PPP3CC: variants seen among roughly 807,000 people sequenced by gnomAD.
PPP3CC encodes protein phosphatase 3 catalytic subunit gamma, also known as serine/threonine-protein phosphatase 2B catalytic subunit gamma isoform.
A neutral mutation model predicts 60.3 loss-of-function variants in PPP3CC; 35 were observed. That is an observed-to-expected ratio of 0.58 (90% CI 0.44 to 0.77). The LOEUF is 0.77. PPP3CC is among the 30% of genes least tolerant of loss of function. PPP3CC has a pLI of 0.00. For synonymous variants in PPP3CC, 206 were observed against 224.3 expected (o/e 0.92, Z 0.73); for missense variants, 570 against 628.9 (o/e 0.91, Z 1.00).
At chr8:22,503,721 T>A (rs1416660003) in intron 4 of PPP3CC, among the ~76,000 whole-genome samples, 1 of 152,168 alleles carries the variant, frequency 6.6e-6, no homozygotes, top group Non-Finnish European at 1.5e-5. Flanking sequence ...TTACCTTAGG[T>A]TTTTATTTGC....
chr8:22,441,772 G>A (rs901331682), intron 1 of PPP3CC, among the ~76,000 whole-genome samples: 1 of 152,208 alleles, frequency 6.6e-6, no homozygotes, highest in Non-Finnish European at 1.5e-5. Flanking sequence ...AACGACTCGG[G>A]GGAAGCCATC....
chr8:22,503,196 C>T (rs964684463), intron 4 of PPP3CC, among the ~76,000 whole-genome samples: 5 of 152,254 alleles, frequency 3.3e-5, no homozygotes, highest in East Asian at 1.9e-4. Context: ...TTAAGAACGA[C>T]GGCTCTGGAG....
In PPP3CC at chr8:22,475,084, A is replaced by G; in HGVS notation, c.180A>G (p.Ile60Met). The G allele has an allele frequency of 6.2e-7, 1 of 1,613,864 alleles. No homozygotes were observed. The highest frequency in any genetic ancestry group is 8.5e-7 in the Non-Finnish European group (1 of 1,179,828). ...GRLEEEVALK[I>M]INDGAAILRQ... ...TGGAAGAGGAAGTAGCCTTAAAGAT[A>G]ATCAATGATGGGGCTGCCATCCTGA... The change falls in exon 2 of 14, where the codon ATA (isoleucine) becomes ATG (methionine). Residue 60 changes from isoleucine to methionine, a missense_variant. Physicochemically the swap from Ile to Met is conservative, Grantham distance 10. Transcript: ENST00000240139.
At chr8:22,530,829 C>CAAAAA (rs58626647) in intron 10 of PPP3CC, among the ~76,000 whole-genome samples, 2 of 58,036 alleles carry the variant, frequency 3.4e-5, no homozygotes, top group Non-Finnish European at 6.8e-5. Flanking sequence ...AGACTCATCT[C>CAAAAA]AAAAAAAAAA....
intron 1 of PPP3CC, among the ~76,000 whole-genome samples, chr8:22,446,805 CAAAAAAAA>C (rs34407184): frequency 4.6e-5 from 1 of 21,958 alleles, no homozygotes; most frequent in Non-Finnish European, 1.3e-4. Context: ...GACTCTGTCT[CAAAAAAAA>C]AAAAAAAAAA....
At chr8:22,451,537 C>T (rs1470314879) in intron 1 of PPP3CC, among the ~76,000 whole-genome samples, 1 of 152,186 alleles carries the variant, frequency 6.6e-6, no homozygotes, top group Non-Finnish European at 1.5e-5. Context: ...CACAAGTGGA[C>T]ACTTTCTTTC....
At position 22,475,487 on chromosome 8, in the gene PPP3CC, CT is replaced by C. The variant is rs748366544; in HGVS notation, c.248-6del. The C allele has an allele frequency of 1.2e-5, 19 of 1,603,080 alleles. No individual in the cohort carries two copies. Among genetic ancestry groups the C allele is most frequent in the Non-Finnish European group, 1.4e-5 (17 of 1,174,582 alleles). ...GTATAATTTCTCACATCACTTTATG[CT>C]TTTTTTCCTAGTATGTGGTGATATT... On this transcript the variant is annotated splice_polypyrimidine_tract_variant and intron_variant, in intron 2 of 13. Transcript: ENST00000240139.
At chr8:22,509,392 C>G (rs1472199849) in intron 4 of PPP3CC, among the ~76,000 whole-genome samples, 1 of 152,206 alleles carries the variant, frequency 6.6e-6, no homozygotes, top group Non-Finnish European at 1.5e-5. Flanking sequence ...TGTAGGCCAC[C>G]TCATCTTCCC....
chr8:22,519,461 TTTTTA>T (rs1198349507), intron 6 of PPP3CC, among the ~76,000 whole-genome samples: 3 of 152,188 alleles, frequency 2.0e-5, no homozygotes, highest in African/African-American at 7.2e-5. Flanking sequence ...TGTGATTTGA[TTTTTA>T]TTTTTGTAGT....
intron 1 of PPP3CC, among the ~76,000 whole-genome samples, chr8:22,465,347 T>A (rs561749178): frequency 7.2e-5 from 11 of 152,100 alleles, no homozygotes; most frequent in Non-Finnish European, 1.3e-4. Flanking sequence ...GCTGCCTGGG[T>A]GATGGGTATA....
At chr8:22,480,558 A>C (rs56864195) in intron 3 of PPP3CC, among the ~76,000 whole-genome samples, 61,769 of 152,102 alleles carry the variant, frequency 0.41, 13,378 homozygotes, top group East Asian at 0.61. Context: ...AGCTCACTGC[A>C]TCCTCCGCCT....
chr8:22,527,561 G>A (rs778303100), intron 9 of PPP3CC, 44 bp downstream of exon 9: 7 of 1,595,134 alleles, frequency 4.4e-6, no homozygotes, highest in South Asian at 3.3e-5. Flanking sequence ...TTTGGTGACT[G>A]AGCATACCTT....
chr8:22,457,104 C>CCT (rs1837226042), intron 1 of PPP3CC, among the ~76,000 whole-genome samples: 2 of 143,546 alleles, frequency 1.4e-5, no homozygotes, highest in South Asian at 4.8e-4. Flanking sequence ...CCTCCTTCCC[C>CCT]CTCCATCCCT....
chr8:22,482,982 AT>A (rs1360887587), intron 3 of PPP3CC, among the ~76,000 whole-genome samples: 6 of 152,212 alleles, frequency 3.9e-5, no homozygotes, highest in African/African-American at 1.4e-4. Flanking sequence ...AAGCAAAAAG[AT>A]ACGCTTTTTC....
intron 3 of PPP3CC, among the ~76,000 whole-genome samples, chr8:22,491,015 G>C (rs1270647726): frequency 6.6e-6 from 1 of 152,160 alleles, no homozygotes; most frequent in Admixed American, 6.6e-5. Context: ...CGTGCCTCTA[G>C]TTGATTGCTT....
intron 6 of PPP3CC, among the ~76,000 whole-genome samples, chr8:22,521,968 A>T (rs1310996382): frequency 3.1e-5 from 4 of 128,122 alleles, no homozygotes; most frequent in Non-Finnish European, 5.1e-5. Flanking sequence ...CGTCTCAAAA[A>T]AAAAAACAAA....
chr8:22,453,998 C>A (rs1370293395), intron 1 of PPP3CC, among the ~76,000 whole-genome samples: 2 of 152,146 alleles, frequency 1.3e-5, no homozygotes, highest in Non-Finnish European at 2.9e-5. Context: ...GCAGGCTTTA[C>A]AAACACTGCA....
At chr8:22,453,649 C>T (rs575614174) in intron 1 of PPP3CC, among the ~76,000 whole-genome samples, 2 of 152,296 alleles carry the variant, frequency 1.3e-5, no homozygotes, top group South Asian at 4.1e-4. Context: ...GTTAACCATA[C>T]TTATACAAAC....
chr8:22,448,847 C>T (rs1007129286), intron 1 of PPP3CC, among the ~76,000 whole-genome samples: 3 of 152,050 alleles, frequency 2.0e-5, no homozygotes, highest in Admixed American at 6.6e-5. Context: ...GAGAAAAAAG[C>T]GAAAGTGGCA....
Sources: allele counts gnomAD v4.1 joint callset (sites outside exome capture counted in the v4.1 genomes callset), GRCh38; gene constraint gnomAD v4.1.1; transcripts MANE v1.5; gene names NCBI Gene and HGNC (gene_info 2026-07-23, HGNC 2026-07-21).